Variants in IL31RA observed in about 807,000 individuals in gnomAD.
IL31RA encodes the protein interleukin-31 receptor subunit alpha.
Under a neutral mutation model 83.7 loss-of-function variants are expected in IL31RA, and 66 were observed. That is an observed-to-expected ratio of 0.79 (90% CI 0.65 to 0.97). IL31RA has a LOEUF of 0.97. Ranked by LOEUF, IL31RA falls within the 50% of genes least tolerant of loss-of-function variation. The pLI is 0.00. For missense variants in IL31RA, 798 were observed against 919.4 expected (o/e 0.87, Z 1.71); for synonymous variants, 325 against 329.0 (o/e 0.99, Z 0.13).
chr5:55,870,187 C>T (rs955073613), intron 3 of IL31RA, among the ~76,000 whole-genome samples: 1 of 152,204 alleles, frequency 6.6e-6, no homozygotes, highest in African/African-American at 2.4e-5. Flanking sequence ...ATGGGTGCGG[C>T]TGCTTTCCAA....
At chr5:55,859,458 T>C in intron 1 of IL31RA, 51 bp from the exon 2 acceptor site, 5 of 1,302,674 alleles carry the variant, frequency 3.8e-6, no homozygotes, top group Non-Finnish European at 4.5e-6. Flanking sequence ...GAAATAGAGC[T>C]TTTGAAAAGA....
intron 4 of IL31RA, among the ~76,000 whole-genome samples, chr5:55,873,554 C>T (rs751326307): frequency 7.2e-5 from 11 of 152,122 alleles, no homozygotes; most frequent in Non-Finnish European, 1.2e-4. Context: ...CATACCCTCA[C>T]CAACACTTGT....
chr5:55,912,668 G>T (rs909258649), intron 12 of IL31RA, among the ~76,000 whole-genome samples: 2 of 152,288 alleles, frequency 1.3e-5, no homozygotes, highest in South Asian at 2.1e-4. Context: ...TTGGTGGCAC[G>T]TGCCTGTAAT....
rs932564585 is a variant in IL31RA at position 55,880,663 on chromosome 5, C to T, written c.455-2381C>T. 1.4e-3 allele frequency among the ~76,000 whole-genome samples: 213 copies of T among 152,250 alleles called. 3 individuals carry two copies. Among genetic ancestry groups the T allele is most frequent in the Non-Finnish European group, 4.0e-4 (27 of 68,018 alleles). On this transcript the variant is annotated intron_variant, in intron 4 of 14. Coordinates refer to ENST00000652347, the MANE Select transcript of IL31RA (RefSeq NM_139017.7). ...CTAAACATGGTCATGCCCTTTTACCCAGTCAGCCTCTGCTAAGGGGTCTAG... is the reference window on the plus strand; with the variant it reads ...CTAAACATGGTCATGCCCTTTTACCTAGTCAGCCTCTGCTAAGGGGTCTAG...
Position 55,922,376 on chromosome 5 carries a change from A to G in IL31RA, c.*5256A>G, listed in dbSNP as rs1370201699. 29 of 1,547,948 alleles carry G rather than the reference A, an allele frequency of 1.9e-5. No individual in the cohort carries two copies. Among genetic ancestry groups the G allele is most frequent in the Admixed American group, 9.8e-5 (5 of 50,998 alleles). On this transcript the variant is annotated 3_prime_UTR_variant, in exon 15 of 15. Coordinates refer to ENST00000652347, the MANE Select transcript of IL31RA (RefSeq NM_139017.7). ...TGTTCAAGGGAAGTGAGATACTTGT[A>G]CTATGCATTTCATTTTTAGGACTAG...
chr5:55,900,719 T>C (rs1353555802), intron 8 of IL31RA, among the ~76,000 whole-genome samples: 1 of 152,256 alleles, frequency 6.6e-6, no homozygotes. Flanking sequence ...TAAAAAACTT[T>C]CATTCAAAGA....
At position 55,859,589 on chromosome 5, in the gene IL31RA, C is replaced by G. The variant is rs1745549245; in HGVS notation, c.144C>G (p.Phe48Leu). Residue 48 changes from phenylalanine (F) to leucine (L), a missense_variant, in exon 2 of 15, where the codon TTC becomes TTG. Coordinates refer to ENST00000652347, the MANE Select transcript of IL31RA (RefSeq NM_139017.7). Reference protein sequence around the residue: ...ALWMLPSLCKFSLAALPAKPE... With the variant: ...ALWMLPSLCKLSLAALPAKPE... Reference sequence around the variant, plus strand: ...GGATGCTCCCCTCACTCTGCAAATTCAGCCTGGCAGGTAGGTTGACCTGGG... The same window carrying G: ...GGATGCTCCCCTCACTCTGCAAATTGAGCCTGGCAGGTAGGTTGACCTGGG... 6.2e-7 allele frequency: 1 copy of G among 1,609,608 alleles called. No homozygotes were observed. Among genetic ancestry groups the G allele is most frequent in the African/African-American group, 1.3e-5 (1 of 74,810 alleles).
In IL31RA at chr5:55,903,028, G is replaced by C. The variant is rs904072687; in HGVS notation, c.1069+2896G>C. Reference sequence around the variant, plus strand: ...TAAAGTGACTTGAATTCCGGTCACAGATGCTGTGTGACACTGAACTGGTTA... The same window carrying C: ...TAAAGTGACTTGAATTCCGGTCACACATGCTGTGTGACACTGAACTGGTTA... On this transcript the variant is annotated intron_variant, in intron 8 of 14. Transcript: ENST00000652347. This position sits in a 1 kb window ranked among gnomAD's most constrained non-coding sequence, Gnocchi z 4.7. 2.0e-5 allele frequency among the ~76,000 whole-genome samples: 3 copies of C among 152,222 alleles called. No homozygotes were observed. Among genetic ancestry groups the C allele is most frequent in the Admixed American group, 6.5e-5 (1 of 15,280 alleles).
Position 55,920,446 on chromosome 5 carries a change from CA to C in IL31RA, c.*3328del, listed in dbSNP as rs1187695864. On this transcript the variant is annotated 3_prime_UTR_variant, in exon 15 of 15. Coordinates refer to ENST00000652347, the MANE Select transcript of IL31RA (RefSeq NM_139017.7). ...AAACAAAAAGAATAACATTTTGTGA[CA>C]AGAAAAGTCCAAGAAATTCACGTAG... 2.6e-5 allele frequency among the ~76,000 whole-genome samples: 4 copies of C among 152,194 alleles called. No individual in the cohort carries two copies. Among genetic ancestry groups the C allele is most frequent in the African/African-American group, 7.2e-5 (3 of 41,444 alleles).
intron 6 of IL31RA, 81 bp downstream of exon 6, chr5:55,890,216 AC>A: frequency 7.0e-7 from 1 of 1,419,592 alleles, no homozygotes; most frequent in African/African-American, 1.4e-5. Context: ...GTTTGTCACC[AC>A]CTGGTTGGGA....
chr5:55,885,050 C>T lies in IL31RA; in HGVS notation c.606+1855C>T, dbSNP rs1395730441. Among the ~76,000 whole-genome samples the T allele has an allele frequency of 3.9e-5, 6 of 152,156 alleles. No homozygotes were observed. In the East Asian group the frequency reaches 1.2e-3, roughly 29 times the overall value. On this transcript the variant is annotated intron_variant, in intron 5 of 14. Transcript: ENST00000652347. ...GACTACATCAGAGCCCTGTGGTAAA[C>T]CAGTAGAAACCATCCAGAGGATCAA...
At chr5:55,860,651 C>T (rs1745621204) in intron 2 of IL31RA, among the ~76,000 whole-genome samples, 1 of 152,180 alleles carries the variant, frequency 6.6e-6, no homozygotes, top group African/African-American at 2.4e-5. Flanking sequence ...AGTGTTCCAA[C>T]TCAAGACTAC....
chr5:55,892,621 G>C (rs1580710574), intron 6 of IL31RA, among the ~76,000 whole-genome samples: 1 of 152,192 alleles, frequency 6.6e-6, no homozygotes, highest in African/African-American at 2.4e-5. Context: ...CAGCAGGCAA[G>C]CTGATGATTA....
chr5:55,888,252 T>C (rs1040667803), intron 5 of IL31RA, among the ~76,000 whole-genome samples: 4 of 152,174 alleles, frequency 2.6e-5, no homozygotes, highest in Non-Finnish European at 5.9e-5. Flanking sequence ...TCTAAGCCTG[T>C]ATATAAAGGA....
chr5:55,883,000 T>G, intron 4 of IL31RA, 44 bp from the exon 5 acceptor site: 1 of 1,598,092 alleles, frequency 6.3e-7, no homozygotes, highest in Non-Finnish European at 8.6e-7. Context: ...TAGCAAATTC[T>G]TATCTTTTTG....
At chr5:55,848,841 C>T (rs1415932620), upstream of IL31RA, among the ~76,000 whole-genome samples, 1 of 152,172 alleles carries the variant, frequency 6.6e-6, no homozygotes, top group Non-Finnish European at 1.5e-5. Flanking sequence ...TATCTTAGAA[C>T]TCTCTTTCTA....
chr5:55,876,081 G>C (rs1746829277), intron 4 of IL31RA, among the ~76,000 whole-genome samples: 1 of 152,086 alleles, frequency 6.6e-6, no homozygotes, highest in African/African-American at 2.4e-5. Context: ...AAATTCAAGT[G>C]GATAGAACTA....
Position 55,872,290 on chromosome 5 carries a change from A to G in IL31RA, c.293A>G (p.Asp98Gly), listed in dbSNP as rs1309411421. Residue 98 changes from aspartate (D) to glycine (G), a missense_variant, in exon 4 of 15, where the codon GAT (aspartate) becomes GGT (glycine). By Grantham distance (94) the Asp-to-Gly change is moderately conservative. Transcript: ENST00000652347. ...CAAAGCGCTTTTGGAGAAAAACATG[A>G]TAATTGTACAACCAATAGTTCTACA... ...KRTYAFGEKH[D>G]NCTTNSSTSE... The G allele has an allele frequency of 1.2e-6, 2 of 1,613,200 alleles. No homozygotes were observed. Among genetic ancestry groups the G allele is most frequent in the African/African-American group, 1.3e-5 (1 of 74,898 alleles).
chr5:55,840,940 C>T, the IL31RA span, among the ~76,000 whole-genome samples: 5 of 152,164 alleles, frequency 3.3e-5, 1 homozygote, highest in South Asian at 1.0e-3. Flanking sequence ...CAGGGCCTGC[C>T]ACCATCCTTG....
Sources: gnomAD v4.1 joint callset for allele counts (sites outside exome capture counted in the v4.1 genomes callset) on GRCh38, gnomAD v4.1.1 for gene constraint, Gnocchi (gnomAD v3.1) non-coding constraint, MANE v1.5 for transcripts, NCBI Gene and HGNC (gene_info 2026-07-23, HGNC 2026-07-21) for gene names.